Variants in MARK4 observed in about 807,000 individuals in gnomAD.
The protein encoded by MARK4 is microtubule affinity regulating kinase 4.
Under a neutral mutation model 81.5 loss-of-function variants are expected in MARK4, and 19 were observed. The observed-to-expected ratio is 0.23, with a 90% CI of 0.16 to 0.34. The LOEUF is 0.34. Among genes scored for constraint, MARK4 ranks in the 10% least tolerant of loss-of-function variants. The pLI is 1.00. For synonymous variants in MARK4, 436 were observed against 439.0 expected (o/e 0.99, Z 0.08); for missense variants, 772 against 1,058.8 (o/e 0.73, Z 3.76).
At position 45,263,181 on chromosome 19, in the gene MARK4, A is replaced by G; in HGVS notation, c.306+15A>G. The G allele has an allele frequency of 6.2e-7, 1 of 1,610,880 alleles. No homozygotes were observed. Among genetic ancestry groups the G allele is most frequent in the South Asian group, 1.1e-5 (1 of 90,622 alleles). ...GCCTGCAGAAGGTGAGGCTGGGGAGACGGGGGAGAGCAGGAGCCAGGCTTC... is the reference window on the plus strand; with the variant it reads ...GCCTGCAGAAGGTGAGGCTGGGGAGGCGGGGGAGAGCAGGAGCCAGGCTTC... On this transcript the variant is annotated intron_variant, in intron 3 of 16. Transcript: ENST00000262891.
intron 14 of MARK4, among the ~76,000 whole-genome samples, chr19:45,296,180 G>A (rs1464035927): frequency 6.6e-6 from 1 of 151,892 alleles, no homozygotes; most frequent in Non-Finnish European, 1.5e-5. Flanking sequence ...TTCTGCTCAA[G>A]AGATAGTGGA....
chr19:45,288,387 T>C (rs949171461), intron 13 of MARK4: 4 of 151,430 alleles, frequency 2.6e-5, no homozygotes, highest in African/African-American at 4.9e-5. Flanking sequence ...ACCCCGTCTC[T>C]ACTAAAAATA....
chr19:45,268,972 G>A (rs564552789), intron 7 of MARK4, among the ~76,000 whole-genome samples: 1 of 152,246 alleles, frequency 6.6e-6, no homozygotes, highest in South Asian at 2.1e-4. Context: ...GGTCCCCAAA[G>A]CAGCTAACAC....
intron 8 of MARK4, among the ~76,000 whole-genome samples, chr19:45,275,591 G>A (rs568037397): frequency 1.3e-5 from 2 of 152,324 alleles, no homozygotes; most frequent in South Asian, 4.1e-4. Context: ...TGCGCTGGAG[G>A]TGGCAGTGGT....
chr19:45,271,250 C>T lies in MARK4; in HGVS notation c.550-222C>T, dbSNP rs185859060. ...GGATTAACTCATAATTCTCAAACTA[C>T]GCTATGAAATAGGAACTAAGATTAT... On this transcript the variant is annotated intron_variant, in intron 7 of 16. Transcript: ENST00000262891. This position sits in a 1 kb window ranked among gnomAD's most constrained non-coding sequence, Gnocchi z 4.1. Among the ~76,000 whole-genome samples the T allele has an allele frequency of 4.6e-5, 7 of 152,276 alleles. No individual in the cohort carries two copies. The highest frequency in any genetic ancestry group is 1.9e-4 in the East Asian group (1 of 5,178).
intron 10 of MARK4, among the ~76,000 whole-genome samples, chr19:45,279,834 G>T (rs1970648605): frequency 6.6e-6 from 1 of 152,202 alleles, no homozygotes; most frequent in Admixed American, 6.6e-5. Flanking sequence ...AAGCAGATCT[G>T]GGTCACATGC....
Position 45,259,021 on chromosome 19 carries a change from C to A in MARK4, c.84C>A (p.Asp28Glu), listed in dbSNP as rs1970345978. The A allele has an allele frequency of 1.2e-6, 2 of 1,613,316 alleles. No individual in the cohort carries two copies. The highest frequency in any genetic ancestry group is 1.3e-5 in the African/African-American group (1 of 74,912). Residue 28 changes from aspartate (D) to glutamate (E), a missense_variant, in exon 2 of 17, where the codon GAC (aspartate) becomes GAA (glutamate). Around this residue, in one of 3 missense-constraint regions of MARK4, gnomAD observed 115 missense variants for 139.8 expected, o/e 0.82. Coordinates refer to ENST00000262891, the MANE Select transcript of MARK4 (RefSeq NM_001199867.2). Reference sequence around the variant, plus strand: ...CCTTGGGCAGTGGCCGCTCCTCGGACAAAGGCCCGTCCTGGTCCAGCCGCT... The same window carrying A: ...CCTTGGGCAGTGGCCGCTCCTCGGAAAAAGGCCCGTCCTGGTCCAGCCGCT... ...HGTLGSGRSS[D>E]KGPSWSSRSL...
rs569559385 is a variant in MARK4, at chr19:45,287,561, G to A, written c.1391G>A (p.Ser464Asn). The change falls in exon 13 of 17, where the codon AGT (serine) becomes AAT (asparagine). Residue 464 changes from serine to asparagine, a missense_variant. Ser to Asn is a conservative substitution (Grantham distance 46). Around this residue, in one of 3 missense-constraint regions of MARK4, gnomAD observed 548 missense variants for 624.3 expected, o/e 0.88. Transcript: ENST00000262891. ...GRKASCSTAG[S>N]GSRGLPPSSP... The stretch of plus-strand genomic sequence containing the variant: ...AAGGCGAGCTGCAGCACCGCGGGGA[G>A]TGGGAGTCGAGGGCTGCCCCCCTCC... The A allele has an allele frequency of 4.4e-6, 7 of 1,593,326 alleles. No individual in the cohort carries two copies. The South Asian group carries it at 6.8e-5, about 15-fold the overall frequency.
chr19:45,254,681 C>T (rs968426595), intron 1 of MARK4, among the ~76,000 whole-genome samples: 3 of 152,180 alleles, frequency 2.0e-5, no homozygotes, highest in African/African-American at 2.4e-5. Flanking sequence ...CAGTGGCGGA[C>T]GCGTGGTTAG....
chr19:45,297,636 C>T, intron 14 of MARK4, 40 bp from the exon 15 acceptor site: 1 of 1,400,524 alleles, frequency 7.1e-7, no homozygotes. Flanking sequence ...CCCTGGCCTG[C>T]CTCAGTCCCC....
chr19:45,288,775 G>C (rs1026827253), intron 13 of MARK4, among the ~76,000 whole-genome samples: 1 of 149,482 alleles, frequency 6.7e-6, no homozygotes, highest in African/African-American at 2.5e-5. Flanking sequence ...GCTTGAACCC[G>C]GGAGGCAGAA....
intron 8 of MARK4, among the ~76,000 whole-genome samples, chr19:45,276,363 C>A (rs1412547399): frequency 2.0e-5 from 3 of 152,150 alleles, no homozygotes; most frequent in Non-Finnish European, 4.4e-5. Flanking sequence ...AGAGCTCCCC[C>A]TGGTCTGCCA....
Position 45,264,541 on chromosome 19 carries a change from G to A in MARK4, c.356-143G>A. 4 of 769,802 alleles carry A rather than the reference G, an allele frequency of 5.2e-6. No individual in the cohort carries two copies. The South Asian group carries it at 6.6e-5, about 13-fold the overall frequency. 47.7% of individuals were successfully genotyped at this position (769,802 alleles called of 1,614,324 possible). ...GGTGGTAGAGGGGGCTGAGGAGTTT[G>A]GAAAATCTTGCTGTCAGTAGGGAGC... is the stretch of plus-strand genomic sequence containing the variant. On this transcript the variant is annotated intron_variant, in intron 4 of 16. Transcript: ENST00000262891.
intron 7 of MARK4, among the ~76,000 whole-genome samples, chr19:45,270,212 G>T (rs1259506635): frequency 1.3e-5 from 2 of 152,108 alleles, no homozygotes; most frequent in Non-Finnish European, 2.9e-5. Flanking sequence ...CTTGAGGCAG[G>T]TGTCGAGATC....
At chr19:45,251,711 C>G (rs1409724338) in intron 1 of MARK4, 72 bp downstream of exon 1, 12 of 1,379,814 alleles carry the variant, frequency 8.7e-6, no homozygotes, top group African/African-American at 4.6e-5. Flanking sequence ...CGTTGTACCC[C>G]TCGCCCCGCG....
intron 16 of MARK4, 59 bp downstream of exon 16, chr19:45,299,914 G>A (rs373073494): frequency 7.2e-6 from 11 of 1,529,898 alleles, no homozygotes; most frequent in African/African-American, 4.1e-5. Context: ...AGCACCTCCC[G>A]ACACTTACCC....
At position 45,259,016 on chromosome 19, in the gene MARK4, T is replaced by C. The variant is rs1423133877; in HGVS notation, c.79T>C (p.Ser27Pro). The change falls in exon 2 of 17, where the codon TCG becomes CCG. Residue 27 changes from serine to proline, a missense_variant. Physicochemically the swap from Ser to Pro is moderately conservative, Grantham distance 74. Around this residue, in one of 3 missense-constraint regions of MARK4, gnomAD observed 115 missense variants for 139.8 expected, o/e 0.82. Coordinates refer to ENST00000262891, the MANE Select transcript of MARK4 (RefSeq NM_001199867.2). ...TGGCACCTTGGGCAGTGGCCGCTCC[T>C]CGGACAAAGGCCCGTCCTGGTCCAG... ...THGTLGSGRSSDKGPSWSSRS... is the reference protein window; with the variant it reads ...THGTLGSGRSPDKGPSWSSRS... 11 of 1,613,096 alleles carry C rather than the reference T, an allele frequency of 6.8e-6. No individual in the cohort carries two copies. In the African/African-American group the frequency reaches 1.3e-4, roughly 20 times the overall value.
intron 8 of MARK4, among the ~76,000 whole-genome samples, chr19:45,274,476 C>A (rs1470977313): frequency 6.6e-6 from 1 of 150,942 alleles, no homozygotes; most frequent in Non-Finnish European, 1.5e-5. Context: ...ACCAAAAACA[C>A]AAAAATTAGC....
intron 12 of MARK4, 28 bp downstream of exon 12, chr19:45,280,762 A>G: frequency 6.2e-7 from 1 of 1,610,632 alleles, no homozygotes; most frequent in Admixed American, 1.7e-5. Flanking sequence ...GCCCTCACGC[A>G]CCCTCCTTCT....
Sources: allele counts gnomAD v4.1 joint callset (sites outside exome capture counted in the v4.1 genomes callset), GRCh38; gene constraint gnomAD v4.1.1; regional missense constraint gnomAD v4.1.1; non-coding constraint Gnocchi (gnomAD v3.1); transcripts MANE v1.5; gene names NCBI Gene and HGNC (gene_info 2026-07-23, HGNC 2026-07-21).